The following RICTOR variants were observed in gnomAD, a reference collection of about 807,000 sequenced individuals.
The protein encoded by RICTOR is RPTOR independent companion of MTOR complex 2.
In RICTOR, 49 loss-of-function variants were observed where a neutral mutation model predicts 214.9. That is an observed-to-expected ratio of 0.23 (90% CI 0.18 to 0.29). The LOEUF (loss-of-function observed/expected upper bound fraction) is 0.29, where lower values mean the gene tolerates loss of function less well. RICTOR is among the 10% of genes least tolerant of loss of function. The pLI is 1.00. For missense variants in RICTOR, 1,625 were observed against 2,047.0 expected (o/e 0.79, Z 3.98); for synonymous variants, 717 against 711.3 (o/e 1.01, Z -0.13).
intron 2 of RICTOR, among the ~76,000 whole-genome samples, chr5:39,032,153 G>C (rs1156772481): frequency 6.6e-6 from 1 of 152,056 alleles, no homozygotes; most frequent in Non-Finnish European, 1.5e-5. Flanking sequence ...TTCCATCTTT[G>C]GATAGAAAAA....
At chr5:39,047,188 C>T (rs1757553769) in intron 2 of RICTOR, among the ~76,000 whole-genome samples, 1 of 152,180 alleles carries the variant, frequency 6.6e-6, no homozygotes, top group African/African-American at 2.4e-5. Flanking sequence ...ACAGTAGTCC[C>T]CAACCTTTTT....
chr5:38,954,865 G>C lies in RICTOR; in HGVS notation c.2610-4C>G. 6.9e-7 allele frequency: 1 copy of C among 1,453,176 alleles called. No individual in the cohort carries two copies. Among genetic ancestry groups the C allele is most frequent in the Middle Eastern group, 1.7e-4 (1 of 5,722 alleles). 90.0% of individuals were successfully genotyped at this position (1,453,176 alleles called of 1,614,324 possible). A position where few individuals can be genotyped will look rare whatever the true frequency, so the allele number is the denominator to read the frequency against. ...GTAGACGTGAGGACGCTGTAATCTA[G>C]TATAATAAAGATGATTACTATATCT... On this transcript the variant is annotated splice_region_variant and splice_polypyrimidine_tract_variant and intron_variant, in intron 26 of 37. Coordinates refer to ENST00000357387, the MANE Select transcript of RICTOR (RefSeq NM_152756.5).
intron 2 of RICTOR, among the ~76,000 whole-genome samples, chr5:39,073,495 C>A (rs1295491976): frequency 6.6e-6 from 1 of 152,180 alleles, no homozygotes; most frequent in Non-Finnish European, 1.5e-5. Context: ...TAGCCAACTA[C>A]AGTCCCAGCG....
chr5:38,944,772 C>T, intron 35 of RICTOR, 141 bp downstream of exon 35: 1 of 878,912 alleles, frequency 1.1e-6, no homozygotes, highest in Non-Finnish European at 1.8e-6. Context: ...CAATAATTAA[C>T]AGTGTTAAAT....
At chr5:38,966,059 C>A (rs72635275) in intron 15 of RICTOR, among the ~76,000 whole-genome samples, 2,712 of 152,040 alleles carry the variant, frequency 0.018, 50 homozygotes, top group East Asian at 0.051. Flanking sequence ...TTCCTAGCTC[C>A]TACTTTCCAA....
rs1162319819 is a variant in RICTOR at position 39,045,156 on chromosome 5, C to T, written c.98-24020G>A. On this transcript the variant is annotated intron_variant, in intron 2 of 37. Coordinates refer to ENST00000357387, the MANE Select transcript of RICTOR (RefSeq NM_152756.5). ...AGATAATTTGTGGTAGACAACTGAA[C>T]CAAATTCACAAAGCACTTTTACTTT... Among the ~76,000 whole-genome samples the T allele has an allele frequency of 2.1e-4, 32 of 152,074 alleles. 1 individual carries two copies. Among genetic ancestry groups the T allele is most frequent in the Admixed American group, 2.1e-3 (32 of 15,274 alleles).
At chr5:39,031,964 T>C (rs1288488467) in intron 2 of RICTOR, among the ~76,000 whole-genome samples, 2 of 152,150 alleles carry the variant, frequency 1.3e-5, no homozygotes, top group Admixed American at 6.5e-5. Flanking sequence ...GTACAAAAGG[T>C]GAGAAAAGCA....
intron 5 of RICTOR, among the ~76,000 whole-genome samples, 170 bp from the exon 6 acceptor site, chr5:38,997,052 C>A (rs1397714273): frequency 6.6e-6 from 1 of 151,930 alleles, no homozygotes; most frequent in African/African-American, 2.4e-5. Context: ...CCATACATCT[C>A]GAGGGATAAA....
At chr5:38,985,147 T>C (rs1334528005) in intron 7 of RICTOR, among the ~76,000 whole-genome samples, 1 of 152,118 alleles carries the variant, frequency 6.6e-6, no homozygotes, top group Non-Finnish European at 1.5e-5. Context: ...TCTTTGAGAA[T>C]TACAGCCATC....
chr5:38,949,449 TA>T (rs754515136), intron 31 of RICTOR: 10 of 1,565,076 alleles, frequency 6.4e-6, no homozygotes, highest in South Asian at 3.5e-5. Context: ...GAGAAATAAA[TA>T]AAAAAAAGCT....
chr5:38,969,249 G>C (rs1474650758), intron 11 of RICTOR, among the ~76,000 whole-genome samples: 2 of 151,882 alleles, frequency 1.3e-5, no homozygotes, highest in Non-Finnish European at 2.9e-5. Flanking sequence ...TGGGATTACA[G>C]GTGTGAGCCA....
intron 4 of RICTOR, 121 bp from the exon 5 acceptor site, chr5:39,002,787 A>G: frequency 1.1e-6 from 1 of 919,126 alleles, no homozygotes; most frequent in Non-Finnish European, 1.6e-6. Flanking sequence ...ACAGAATTCT[A>G]AGAGCATTCT....
At chr5:39,024,535 A>T (rs761668878) in intron 2 of RICTOR, among the ~76,000 whole-genome samples, 17 of 152,202 alleles carry the variant, frequency 1.1e-4, no homozygotes, top group Non-Finnish European at 2.2e-4. Context: ...AAAATTTTAT[A>T]ACAACCCTCT....
intron 7 of RICTOR, among the ~76,000 whole-genome samples, chr5:38,990,698 A>G (rs1174954017): frequency 7.9e-6 from 1 of 126,774 alleles, no homozygotes; most frequent in African/African-American, 3.0e-5. Flanking sequence ...TATATGATAT[A>G]TATCAGATAT....
At chr5:39,059,916 G>A (rs942347210) in intron 2 of RICTOR, among the ~76,000 whole-genome samples, 3 of 151,968 alleles carry the variant, frequency 2.0e-5, no homozygotes, top group African/African-American at 4.8e-5. Flanking sequence ...GAAGAAACAC[G>A]CTCAGAAAAG....
At position 38,990,792 on chromosome 5, in the gene RICTOR, GATATATGAT is replaced by G. The variant is rs201997620; in HGVS notation, c.583+148_583+156del. On this transcript the variant is annotated intron_variant, in intron 7 of 37. Transcript: ENST00000357387. ...TATATGATATATATGAGATATATGAGATATATGATATATATGAGATATATGAGATATATG... is the reference window on the plus strand; with the variant it reads ...TATATGATATATATGAGATATATGAGATATATGAGATATATGAGATATATG... 1.0e-3 allele frequency among the ~76,000 whole-genome samples: 93 copies of G among 91,296 alleles called. 5 individuals are homozygous for G. The highest frequency in any genetic ancestry group is 6.2e-3 in the Middle Eastern group (1 of 162). 59.9% of individuals were successfully genotyped at this position (91,296 alleles called of 152,430 possible).
intron 2 of RICTOR, among the ~76,000 whole-genome samples, chr5:39,034,346 T>A (rs895315082): frequency 6.6e-6 from 1 of 152,204 alleles, no homozygotes; most frequent in African/African-American, 2.4e-5. Flanking sequence ...GGAGCCAAGA[T>A]GGCCGAATAG....
At chr5:38,948,699 T>C (rs1748439394) in intron 31 of RICTOR, among the ~76,000 whole-genome samples, 1 of 152,092 alleles carries the variant, frequency 6.6e-6, no homozygotes. Flanking sequence ...GTTGAGAACT[T>C]TCCCTGGCTT....
chr5:38,959,454 T>C, intron 21 of RICTOR, 133 bp from the exon 22 acceptor site: 1 of 608,312 alleles, frequency 1.6e-6, no homozygotes. Flanking sequence ...GTGTATAACT[T>C]GATTTGATAT....
Sources: gnomAD v4.1 joint callset for allele counts (sites outside exome capture counted in the v4.1 genomes callset) on GRCh38, gnomAD v4.1.1 for gene constraint, MANE v1.5 for transcripts, NCBI Gene and HGNC (gene_info 2026-07-23, HGNC 2026-07-21) for gene names.